SCN3B: variants seen among roughly 807,000 people sequenced by gnomAD.
The protein encoded by SCN3B is sodium channel regulatory subunit beta-3.
Under a neutral mutation model 25.4 loss-of-function variants are expected in SCN3B, and 11 were observed. The observed-to-expected ratio is 0.43, with a 90% CI of 0.27 to 0.72. The LOEUF (loss-of-function observed/expected upper bound fraction) is 0.72. Ranked by LOEUF, SCN3B falls within the 30% of genes least tolerant of loss-of-function variation. The pLI, the probability that SCN3B is intolerant of heterozygous loss-of-function variation, is 0.18. For synonymous variants in SCN3B, 109 were observed against 110.7 expected (o/e 0.99, Z 0.09); for missense variants, 218 against 278.3 (o/e 0.78, Z 1.54).
intron 5 of SCN3B, among the ~76,000 whole-genome samples, chr11:123,636,698 GT>G (rs60450932): frequency 0.026 from 3,895 of 147,052 alleles, 99 homozygotes; most frequent in East Asian, 0.16. Context: ...GTTCTATTCT[GT>G]TTTTTTTTTT....
In SCN3B at chr11:123,645,766, A is replaced by T. The variant is rs746022086; in HGVS notation, c.56-16T>A. On this transcript the variant is annotated splice_polypyrimidine_tract_variant and intron_variant, in intron 2 of 6. Coordinates refer to ENST00000299333, the MANE Select transcript of SCN3B (RefSeq NM_001040151.2). ...CAGACACTGACTGCAGAGAGGACAG[A>T]TGGACAGGGAAGGAACAGCAGGTGG... 5 of 1,613,836 alleles carry T rather than the reference A, an allele frequency of 3.1e-6. No individual in the cohort carries two copies. The highest frequency in any genetic ancestry group is 4.2e-6 in the Non-Finnish European group (5 of 1,179,968).
Position 123,636,435 on chromosome 11 carries a change from T to C in SCN3B, c.584+1751A>G, listed in dbSNP as rs975226003. On this transcript the variant is annotated intron_variant, in intron 5 of 6. Coordinates refer to ENST00000299333, the MANE Select transcript of SCN3B (RefSeq NM_001040151.2). ...TCTTCACCTAGGATTTCCAACACAA[T>C]ATTGATAGAAACAGGGAGAGGCAGT... 4.6e-5 allele frequency among the ~76,000 whole-genome samples: 7 copies of C among 152,312 alleles called. No individual in the cohort carries two copies. The East Asian group carries it at 1.2e-3, about 25-fold the overall frequency.
chr11:123,640,990 G>A (rs1488813605), intron 4 of SCN3B: 1 of 152,216 alleles, frequency 6.6e-6, no homozygotes, highest in Non-Finnish European at 1.5e-5. Context: ...CCTGGCAGAC[G>A]AACTAGCTCA....
rs1955969231 is a variant in SCN3B, at chr11:123,654,465, G to A, written c.-265C>T. On this transcript the variant is annotated 5_prime_UTR_variant, in exon 1 of 7. Coordinates refer to ENST00000299333, the MANE Select transcript of SCN3B (RefSeq NM_001040151.2). ...CGGCAGCTCCCGTTCGGCCGGCGAT[G>A]TCAGAGGTTGGGGGGTGGGTGTAGA... 6.4e-6 allele frequency: 1 copy of A among 156,394 alleles called. No homozygotes were observed. Among genetic ancestry groups the A allele is most frequent in the African/African-American group, 2.4e-5 (1 of 41,486 alleles). 9.7% of individuals were successfully genotyped at this position (156,394 alleles called of 1,614,324 possible).
intron 3 of SCN3B, among the ~76,000 whole-genome samples, chr11:123,644,048 T>C (rs1367233836): frequency 6.6e-6 from 1 of 152,196 alleles, no homozygotes; most frequent in African/African-American, 2.4e-5. Context: ...TTACAAATCT[T>C]TGTGGAGGAG....
At chr11:123,644,801 ATATATATATATATATATATATAT>A (rs1314965898) in intron 3 of SCN3B, among the ~76,000 whole-genome samples, 7 of 23,010 alleles carry the variant, frequency 3.0e-4, no homozygotes, top group Admixed American at 4.8e-4. Flanking sequence ...GAGAGAGAGA[ATATATATATATATATATATATAT>A]ATATATATAT....
chr11:123,635,959 G>A (rs79968852), intron 5 of SCN3B, among the ~76,000 whole-genome samples: 2,205 of 152,252 alleles, frequency 0.014, 45 homozygotes, highest in African/African-American at 0.051. Flanking sequence ...CTTAATATCA[G>A]CTTATTAAGT....
rs1225985907 is a variant in SCN3B, at chr11:123,633,337, CT to C, written c.*461del. 2.0e-5 allele frequency: 3 copies of C among 152,390 alleles called. No individual in the cohort carries two copies. The highest frequency in any genetic ancestry group is 7.2e-5 in the African/African-American group (3 of 41,580). 9.4% of individuals were successfully genotyped at this position (152,390 alleles called of 1,614,324 possible). ...TCAGGGAATCCAAGTTCATGACACA[CT>C]TTTGCTTTAACCCGAACTAATCACT... On this transcript the variant is annotated 3_prime_UTR_variant, in exon 7 of 7. Coordinates refer to ENST00000299333, the MANE Select transcript of SCN3B (RefSeq NM_001040151.2).
intron 3 of SCN3B, among the ~76,000 whole-genome samples, chr11:123,643,916 C>T (rs1420580664): frequency 6.6e-6 from 1 of 152,226 alleles, no homozygotes; most frequent in Non-Finnish European, 1.5e-5. Context: ...AGTCTTAGTA[C>T]CAGACGGTTG....
Position 123,629,348 on chromosome 11 carries a change from G to C in SCN3B, c.*4451C>G, listed in dbSNP as rs1955639015. 6.6e-6 allele frequency: 1 copy of C among 152,222 alleles called. No homozygotes were observed. Among genetic ancestry groups the C allele is most frequent in the Non-Finnish European group, 1.5e-5 (1 of 68,056 alleles). 9.4% of individuals were successfully genotyped at this position (152,222 alleles called of 1,614,324 possible). A position where few individuals can be genotyped will look rare whatever the true frequency, so the allele number is the denominator to read the frequency against. On this transcript the variant is annotated 3_prime_UTR_variant, in exon 7 of 7. Transcript: ENST00000299333. ...GCCTGCAAGCACTCGGCCTTCAGCG[G>C]CCTCCGTCTCCATCACACACACTGC...
chr11:123,653,058 G>GA (rs1183148332), intron 2 of SCN3B, among the ~76,000 whole-genome samples: 2 of 151,668 alleles, frequency 1.3e-5, no homozygotes, highest in Admixed American at 1.3e-4. Flanking sequence ...TGACAAGCAA[G>GA]AATCTATTCA....
chr11:123,642,384 G>T lies in SCN3B; in HGVS notation c.445+62C>A. ...AGGGCCTCACTCGTGGAAAACTGCTGTCCTACCCTTCCCTGTCCACAGAGA... is the reference window on the plus strand; with the variant it reads ...AGGGCCTCACTCGTGGAAAACTGCTTTCCTACCCTTCCCTGTCCACAGAGA... On this transcript the variant is annotated intron_variant, in intron 4 of 6. Transcript: ENST00000299333. This position sits in a 1 kb window ranked among gnomAD's most constrained non-coding sequence, Gnocchi z 4.3. The T allele has an allele frequency of 2.6e-6, 4 of 1,531,928 alleles. No homozygotes were observed. The South Asian group carries it at 3.4e-5, about 13-fold the overall frequency. 94.9% of individuals were successfully genotyped at this position (1,531,928 alleles called of 1,614,324 possible).
chr11:123,649,824 C>G (rs963233440), intron 2 of SCN3B, among the ~76,000 whole-genome samples: 5 of 152,014 alleles, frequency 3.3e-5, no homozygotes, highest in Non-Finnish European at 7.4e-5. Flanking sequence ...CTGCCTCAGC[C>G]CCCTGAGTAG....
rs1591352118 is a variant in SCN3B, at chr11:123,653,194, G to C, written c.55+553C>G. 3.3e-5 allele frequency among the ~76,000 whole-genome samples: 5 copies of C among 152,038 alleles called. 1 individual carries two copies. The highest frequency in any genetic ancestry group is 3.3e-4 in the Admixed American group (5 of 15,268). On this transcript the variant is annotated intron_variant, in intron 2 of 6. Transcript: ENST00000299333. ...AAGAAAAAGAAAGATGCATTTCACA[G>C]TTGCCTATTTATTTAATATATAGCA...
In SCN3B at chr11:123,653,692, T is replaced by C. The variant is rs550733221; in HGVS notation, c.55+55A>G. ...CACCAACGACATCAATGTGTTATTA[T>C]TGTTAGCATTGTTACTGTTACCTGC... On this transcript the variant is annotated intron_variant, in intron 2 of 6. Transcript: ENST00000299333. The C allele has an allele frequency of 5.7e-6, 9 of 1,583,332 alleles. No homozygotes were observed. The East Asian group carries it at 2.0e-4, about 35-fold the overall frequency.
chr11:123,634,213 A>C lies in SCN3B; in HGVS notation c.585-7T>G. 1 of 1,613,178 alleles carries C rather than the reference A, an allele frequency of 6.2e-7. No homozygotes were observed. Among genetic ancestry groups the C allele is most frequent in the Non-Finnish European group, 8.5e-7 (1 of 1,179,364 alleles). On this transcript the variant is annotated splice_region_variant and splice_polypyrimidine_tract_variant and intron_variant, in intron 5 of 6. Coordinates refer to ENST00000299333, the MANE Select transcript of SCN3B (RefSeq NM_001040151.2). ...GATGGCAAGGTAGTCAGACCTATAG[A>C]GGACACAGGGAAAGGGAATCAGAGC...
chr11:123,629,353 C>G lies in SCN3B; in HGVS notation c.*4446G>C, dbSNP rs1452008906. The G allele has an allele frequency of 1.3e-5, 2 of 152,230 alleles. No individual in the cohort carries two copies. The highest frequency in any genetic ancestry group is 2.9e-5 in the Non-Finnish European group (2 of 68,060). The allele number at this position is 152,230 out of a possible 1,614,324, so 9.4% of individuals were successfully genotyped here. On this transcript the variant is annotated 3_prime_UTR_variant, in exon 7 of 7. Coordinates refer to ENST00000299333, the MANE Select transcript of SCN3B (RefSeq NM_001040151.2). ...CAAGCACTCGGCCTTCAGCGGCCTC[C>G]GTCTCCATCACACACACTGCTCAGC...
Position 123,633,541 on chromosome 11 carries a change from G to A in SCN3B, c.*258C>T, listed in dbSNP as rs1045175862. The stretch of plus-strand genomic sequence containing the variant: ...TGTTGGAAAACTAGGAGAGGGTGAG[G>A]TTGAGTCTATGTAGAAATGTTGGCT... On this transcript the variant is annotated 3_prime_UTR_variant, in exon 7 of 7. Transcript: ENST00000299333. 6.2e-6 allele frequency: 1 copy of A among 160,210 alleles called. No homozygotes were observed. The highest frequency in any genetic ancestry group is 2.4e-5 in the African/African-American group (1 of 41,514). 9.9% of individuals were successfully genotyped at this position (160,210 alleles called of 1,614,324 possible). A position where few individuals can be genotyped will look rare whatever the true frequency, so the allele number is the denominator to read the frequency against.
intron 4 of SCN3B, among the ~76,000 whole-genome samples, chr11:123,641,370 G>A (rs1331129008): frequency 6.6e-6 from 1 of 152,160 alleles, no homozygotes; most frequent in Non-Finnish European, 1.5e-5. Context: ...CGTCTGATCC[G>A]TTATGTCTCT....
Sources: allele counts gnomAD v4.1 joint callset (sites outside exome capture counted in the v4.1 genomes callset), GRCh38; gene constraint gnomAD v4.1.1; non-coding constraint Gnocchi (gnomAD v3.1); transcripts MANE v1.5; gene names NCBI Gene and HGNC (gene_info 2026-07-23, HGNC 2026-07-21).